LAMC3: variants seen among roughly 807,000 people sequenced by gnomAD.
The protein encoded by LAMC3 is laminin subunit gamma 3.
LAMC3 carries 128 observed loss-of-function variants against 173.8 expected under a neutral mutation model. That is an observed-to-expected ratio of 0.74 (90% CI 0.64 to 0.85). The LOEUF (loss-of-function observed/expected upper bound fraction) is 0.85, where lower values mean the gene tolerates loss of function less well. Among genes scored for constraint, LAMC3 ranks in the 40% least tolerant of loss-of-function variants. The probability of loss-of-function intolerance (pLI) is 0.00; values close to 1 mark genes in which losing one functional copy is unlikely to be tolerated. For synonymous variants in LAMC3, 897 were observed against 909.1 expected, an observed-to-expected ratio of 0.99 and a Z score of 0.24; for missense variants, 2,022 against 2,156.0, an observed-to-expected ratio of 0.94 and a Z score of 1.23.
intron 13 of LAMC3, among the ~76,000 whole-genome samples, chr9:131,063,398 C>T (rs1829868626): frequency 6.6e-6 from 1 of 152,236 alleles, no homozygotes; most frequent in South Asian, 2.1e-4. Context: ...CTGAGACATA[C>T]TTGAGGGAGG....
At position 131,052,471 on chromosome 9, in the gene LAMC3, CCTT is replaced by C. The variant is rs770231356; in HGVS notation, c.1631-14_1631-12del. The C allele has an allele frequency of 6.5e-5, 104 of 1,600,162 alleles. No homozygotes were observed. Among genetic ancestry groups the C allele is most frequent in the South Asian group, 2.0e-4 (18 of 90,820 alleles). On this transcript the variant is annotated splice_polypyrimidine_tract_variant and intron_variant, in intron 9 of 27. Transcript: ENST00000361069. Reference sequence around the variant, plus strand: ...GCTAACCATATGAAGACTGTCAAAGCCTTCTTCTCTTGTCTTCAGAGAAGTTCC... The same window carrying C: ...GCTAACCATATGAAGACTGTCAAAGCCTTCTCTTGTCTTCAGAGAAGTTCC...
chr9:131,056,870 G>GT, intron 11 of LAMC3, 59 bp from the exon 12 acceptor site: 1 of 1,355,280 alleles, frequency 7.4e-7, no homozygotes, highest in African/African-American at 1.4e-5. Context: ...GGTTTTGGGG[G>GT]GAAGCATGTG....
At chr9:131,085,460 CT>C in intron 24 of LAMC3, 63 bp from the exon 25 acceptor site, 2 of 1,572,894 alleles carry the variant, frequency 1.3e-6, no homozygotes, top group Non-Finnish European at 1.7e-6. Context: ...CTGCCAGCGG[CT>C]GCCTGGGAGG....
intron 6 of LAMC3, among the ~76,000 whole-genome samples, chr9:131,039,579 G>A (rs1463854273): frequency 2.0e-5 from 3 of 151,424 alleles, no homozygotes; most frequent in Non-Finnish European, 4.4e-5. Flanking sequence ...TGGAGGAGCC[G>A]TGGATCAGTG....
chr9:131,063,062 A>G (rs1829861640), intron 13 of LAMC3, among the ~76,000 whole-genome samples: 1 of 152,150 alleles, frequency 6.6e-6, no homozygotes, highest in Non-Finnish European at 1.5e-5. Context: ...ATTCCTAGAC[A>G]TCTGATTTTG....
intron 13 of LAMC3, among the ~76,000 whole-genome samples, chr9:131,064,772 A>G (rs1490870211): frequency 2.0e-5 from 3 of 152,176 alleles, no homozygotes; most frequent in Non-Finnish European, 4.4e-5. Flanking sequence ...GTGGTGGCTT[A>G]CACCTGTAAT....
chr9:131,013,784 G>A (rs1833468222), intron 1 of LAMC3, among the ~76,000 whole-genome samples: 1 of 152,164 alleles, frequency 6.6e-6, no homozygotes, highest in East Asian at 1.9e-4. Flanking sequence ...AAGACGCTGG[G>A]GTCTGGCCAG....
chr9:131,023,355 G>A (rs1325947119), intron 1 of LAMC3, among the ~76,000 whole-genome samples: 14 of 152,268 alleles, frequency 9.2e-5, no homozygotes, highest in Admixed American at 7.8e-4. Flanking sequence ...ACTGCTAGGC[G>A]CTGTTTTCCA....
chr9:131,020,101 T>A (rs1564363632), intron 1 of LAMC3, among the ~76,000 whole-genome samples: 1 of 152,142 alleles, frequency 6.6e-6, no homozygotes, highest in South Asian at 2.1e-4. Context: ...TGGAGCCATC[T>A]GGGCAGCAGT....
rs1381185490 is a variant in LAMC3, at chr9:131,056,805, A to T, written c.1940-124A>T. 3 of 783,304 alleles carry T rather than the reference A, an allele frequency of 3.8e-6. No individual in the cohort carries two copies. In the Admixed American group the frequency reaches 5.2e-5, roughly 14 times the overall value. The allele number at this position is 783,304 out of a possible 1,614,324, so 48.5% of individuals were successfully genotyped here. A position where few individuals can be genotyped will look rare whatever the true frequency, so the allele number is the denominator to read the frequency against. ...AATCTGTCTCAAAAAAAGAAAAATCATTGATTGCTAGTCTGCCTTTATATA... is the reference window on the plus strand; with the variant it reads ...AATCTGTCTCAAAAAAAGAAAAATCTTTGATTGCTAGTCTGCCTTTATATA... On this transcript the variant is annotated intron_variant, in intron 11 of 27. Coordinates refer to ENST00000361069, the MANE Select transcript of LAMC3 (RefSeq NM_006059.4).
chr9:131,075,418 C>T (rs1418228315), intron 20 of LAMC3, among the ~76,000 whole-genome samples: 2 of 151,840 alleles, frequency 1.3e-5, no homozygotes, highest in Non-Finnish European at 2.9e-5. Flanking sequence ...TACTAAAATA[C>T]AAAAATTAAC....
intron 11 of LAMC3, among the ~76,000 whole-genome samples, chr9:131,055,685 A>G (rs575085907): frequency 2.5e-4 from 38 of 150,734 alleles, no homozygotes; most frequent in African/African-American, 9.3e-4. Context: ...TCAGCCTCCC[A>G]AAGTCCTGGG....
intron 1 of LAMC3, among the ~76,000 whole-genome samples, chr9:131,023,935 T>C (rs1833675108): frequency 6.6e-6 from 1 of 152,226 alleles, no homozygotes; most frequent in African/African-American, 2.4e-5. Flanking sequence ...ATCAGATATA[T>C]GATTTGCAAC....
At chr9:131,028,519 G>C (rs951523105) in intron 2 of LAMC3, among the ~76,000 whole-genome samples, 2 of 152,218 alleles carry the variant, frequency 1.3e-5, no homozygotes, top group Non-Finnish European at 2.9e-5. Flanking sequence ...TGCAGCATGA[G>C]AACACACGGA....
chr9:131,019,889 C>T (rs1833597283), intron 1 of LAMC3, among the ~76,000 whole-genome samples: 2 of 151,882 alleles, frequency 1.3e-5, no homozygotes, highest in South Asian at 4.2e-4. Flanking sequence ...CCTCCCCCGG[C>T]CGGGCCCCGC....
intron 13 of LAMC3, among the ~76,000 whole-genome samples, chr9:131,065,064 A>G (rs962470349): frequency 3.3e-5 from 5 of 150,786 alleles, no homozygotes; most frequent in Non-Finnish European, 3.0e-5. Context: ...AAAAAAGAAA[A>G]GGAAAGAAAA....
intron 9 of LAMC3, among the ~76,000 whole-genome samples, chr9:131,049,439 C>A (rs1454526805): frequency 6.6e-6 from 1 of 152,166 alleles, no homozygotes; most frequent in African/African-American, 2.4e-5. Context: ...CTGGCACCAA[C>A]TCCCCTGCCT....
rs1833792076 is a variant in LAMC3, at chr9:131,029,669, G to A, written c.679-2376G>A. 6.6e-6 allele frequency among the ~76,000 whole-genome samples: 1 copy of A among 152,182 alleles called. No homozygotes were observed. Among genetic ancestry groups the A allele is most frequent in the Non-Finnish European group, 1.5e-5 (1 of 68,030 alleles). ...AGAGGACACAGAGCTTGGAAGGAAG[G>A]ATGTGGCTGCTGGGTCTTGGGTCCC... On this transcript the variant is annotated intron_variant, in intron 2 of 27. Coordinates refer to ENST00000361069, the MANE Select transcript of LAMC3 (RefSeq NM_006059.4). The surrounding 1 kb of genome is among the most constrained non-coding windows in gnomAD (Gnocchi z 4.6).
chr9:131,049,276 A>G, intron 9 of LAMC3, 146 bp downstream of exon 9: 1 of 687,742 alleles, frequency 1.5e-6, no homozygotes, highest in South Asian at 1.6e-5. Flanking sequence ...CTCGGAGCTA[A>G]CATCAAGGTG....
Sources: allele counts gnomAD v4.1 joint callset (sites outside exome capture counted in the v4.1 genomes callset), GRCh38; gene constraint gnomAD v4.1.1; non-coding constraint Gnocchi (gnomAD v3.1); transcripts MANE v1.5; gene names NCBI Gene and HGNC (gene_info 2026-07-23, HGNC 2026-07-21).